PXDC1: variants seen among roughly 807,000 people sequenced by gnomAD.
PXDC1 encodes PX domain containing 1.
A neutral mutation model predicts 24.4 loss-of-function variants in PXDC1; 13 were observed. That is an observed-to-expected ratio of 0.53 (90% confidence interval 0.35 to 0.85). The LOEUF is 0.85. Ranked by LOEUF, PXDC1 falls within the 40% of genes least tolerant of loss-of-function variation. The pLI, the probability that PXDC1 is intolerant of heterozygous loss-of-function variation, is 0.01. For synonymous variants in PXDC1, 162 were observed against 124.9 expected, an observed-to-expected ratio of 1.30 and a Z score of -1.98; for missense variants, 344 against 309.3, an observed-to-expected ratio of 1.11 and a Z score of -0.84.
Position 3,723,398 on chromosome 6 carries a change from G to A in PXDC1, c.*221C>T. ...CAGAACACAGGCCCTGTGGCCTCCG[G>A]CTGTGACCTCAGCTTGCTGGAGACT... On this transcript the variant is annotated 3_prime_UTR_variant, in exon 5 of 5. Transcript: ENST00000380283. The A allele has an allele frequency of 1.7e-6, 1 of 582,478 alleles. No individual in the cohort carries two copies. Among genetic ancestry groups the A allele is most frequent in the Non-Finnish European group, 3.1e-6 (1 of 326,094 alleles). The allele number at this position is 582,478 out of a possible 1,614,324, so 36.1% of individuals were successfully genotyped here.
intron 3 of PXDC1, among the ~76,000 whole-genome samples, chr6:3,732,286 C>A (rs1298718642): frequency 6.6e-6 from 1 of 152,228 alleles, no homozygotes; most frequent in African/African-American, 2.4e-5. Context: ...TTCACCTCCT[C>A]TCTCCCACTG....
chr6:3,750,989 C>T (rs1372487373), intron 1 of PXDC1: 3 of 394,456 alleles, frequency 7.6e-6, no homozygotes, highest in Non-Finnish European at 1.4e-5. Flanking sequence ...TCGGAAGTGA[C>T]TCGTCCTCAG....
chr6:3,751,221 G>C (rs1021907264), intron 1 of PXDC1, 55 bp downstream of exon 1: 4 of 1,294,832 alleles, frequency 3.1e-6, no homozygotes, highest in Non-Finnish European at 2.0e-6. Flanking sequence ...CGCCTCCTTC[G>C]TGCACTTCAA....
chr6:3,751,126 C>G, intron 1 of PXDC1, 150 bp downstream of exon 1: 1 of 607,488 alleles, frequency 1.6e-6, no homozygotes. Context: ...CCGGGCACCC[C>G]TCGTCTGCGG....
Position 3,746,569 on chromosome 6 carries a change from C to G in PXDC1, c.256+4707G>C, listed in dbSNP as rs191303359. On this transcript the variant is annotated intron_variant, in intron 1 of 4. Transcript: ENST00000380283. Reference sequence around the variant, plus strand: ...CAGAATGACGCAGGTGAATTCTGCACGGGGGTGGAGCTATGGTTGAAGGCA... The same window carrying G: ...CAGAATGACGCAGGTGAATTCTGCAGGGGGGTGGAGCTATGGTTGAAGGCA... 2.7e-3 allele frequency among the ~76,000 whole-genome samples: 405 copies of G among 152,174 alleles called. 2 individuals are homozygous for G. Among genetic ancestry groups the G allele is most frequent in the Middle Eastern group, 6.8e-3 (2 of 294 alleles).
chr6:3,740,144 C>T (rs1299642191), intron 1 of PXDC1, among the ~76,000 whole-genome samples: 1 of 152,238 alleles, frequency 6.6e-6, no homozygotes, highest in African/African-American at 2.4e-5. Context: ...ATACCCATTT[C>T]ATAGGACAGA....
In PXDC1 at chr6:3,751,294, G is replaced by T. The variant is rs1420553277; in HGVS notation, c.238C>A (p.Gln80Lys). The stretch of plus-strand genomic sequence containing the variant: ...CCCGCACCTTGCCGCAGCGGCCCCT[G>T]CGCCAGTTCGGACCGGTCCTCGGGA... ...AFPEDRSELAQGPLRQGLVAI... is the reference protein window; with the variant it reads ...AFPEDRSELAKGPLRQGLVAI... The change falls in exon 1 of 5, where the codon CAG (glutamine) becomes AAG (lysine). Residue 80 changes from glutamine (Q) to lysine (K), a missense_variant. By Grantham distance (53) the Gln-to-Lys change is moderately conservative. Coordinates refer to ENST00000380283, the MANE Select transcript of PXDC1 (RefSeq NM_183373.4). 6.5e-7 allele frequency: 1 copy of T among 1,530,142 alleles called. No homozygotes were observed. The highest frequency in any genetic ancestry group is 8.7e-7 in the Non-Finnish European group (1 of 1,143,016). 94.8% of individuals were successfully genotyped at this position (1,530,142 alleles called of 1,614,324 possible).
intron 1 of PXDC1, among the ~76,000 whole-genome samples, chr6:3,744,030 G>A (rs1280712246): frequency 6.6e-6 from 1 of 152,200 alleles, no homozygotes; most frequent in Non-Finnish European, 1.5e-5. Context: ...CTGGGAGGTG[G>A]CTCCTAGAGC....
At chr6:3,733,265 CG>C (rs1303436851) in intron 3 of PXDC1, among the ~76,000 whole-genome samples, 2 of 152,132 alleles carry the variant, frequency 1.3e-5, no homozygotes, top group Non-Finnish European at 2.9e-5. Flanking sequence ...CTGGACCCCG[CG>C]CCTCAGCCTG....
chr6:3,751,201 G>C, intron 1 of PXDC1, 75 bp downstream of exon 1: 2 of 1,169,088 alleles, frequency 1.7e-6, no homozygotes, highest in Non-Finnish European at 2.3e-6. Context: ...CTCGGTTGAA[G>C]TCTCTTCCCC....
chr6:3,727,716 T>C, intron 3 of PXDC1, 54 bp from the exon 4 acceptor site: 1 of 1,217,932 alleles, frequency 8.2e-7, no homozygotes. Context: ...GCTTGAGGTT[T>C]TGGAGTTTGG....
chr6:3,736,427 G>T (rs1293230089), intron 3 of PXDC1, among the ~76,000 whole-genome samples: 1 of 152,140 alleles, frequency 6.6e-6, no homozygotes, highest in African/African-American at 2.4e-5. Context: ...TATGTCACAA[G>T]GTGATTGCCA....
At position 3,751,402 on chromosome 6, in the gene PXDC1, C is replaced by G; in HGVS notation, c.130G>C (p.Glu44Gln). ...DEEEFFEIRTEWSDRSVLYLH... is the reference protein window; with the variant it reads ...DEEEFFEIRTQWSDRSVLYLH... ...TAGAGCACGCTGCGGTCCGACCACT[C>G]CGTGCGGATCTCGAAGAACTCCTCT... The change falls in exon 1 of 5, where the codon GAG becomes CAG. Residue 44 changes from glutamate to glutamine, a missense_variant. Transcript: ENST00000380283. 2 of 1,575,780 alleles carry G rather than the reference C, an allele frequency of 1.3e-6. No homozygotes were observed. The highest frequency in any genetic ancestry group is 1.4e-5 in the African/African-American group (1 of 74,070).
At position 3,751,307 on chromosome 6, in the gene PXDC1, C is replaced by T. The variant is rs754095176; in HGVS notation, c.225G>A (p.Arg75=). ...QRLRDAFPED[R]SELAQGPLRQ... ...GCAGCGGCCCCTGCGCCAGTTCGGA[C>T]CGGTCCTCGGGAAAGGCGTCGCGCA... Residue 75 remains arginine, a synonymous_variant, in exon 1 of 5, where the codon CGG becomes CGA. Transcript: ENST00000380283. The T allele has an allele frequency of 3.2e-6, 5 of 1,542,104 alleles. No homozygotes were observed. Among genetic ancestry groups the T allele is most frequent in the Middle Eastern group, 1.7e-4 (1 of 5,910 alleles).
At chr6:3,734,994 A>G (rs1017354160) in intron 3 of PXDC1, among the ~76,000 whole-genome samples, 1 of 152,146 alleles carries the variant, frequency 6.6e-6, no homozygotes, top group African/African-American at 2.4e-5. Flanking sequence ...CTGAGGCAGG[A>G]GGATCACTTG....
At position 3,723,408 on chromosome 6, in the gene PXDC1, C is replaced by T. The variant is rs553560402; in HGVS notation, c.*211G>A. ...GCCCTGTGGCCTCCGGCTGTGACCT[C>T]AGCTTGCTGGAGACTCTGCGGTCAG... On this transcript the variant is annotated 3_prime_UTR_variant, in exon 5 of 5. Coordinates refer to ENST00000380283, the MANE Select transcript of PXDC1 (RefSeq NM_183373.4). The T allele has an allele frequency of 2.0e-5, 12 of 591,552 alleles. No individual in the cohort carries two copies. The African/African-American group carries it at 2.2e-4, about 11-fold the overall frequency. The allele number at this position is 591,552 out of a possible 1,614,324, so 36.6% of individuals were successfully genotyped here.
In PXDC1 at chr6:3,742,147, A is replaced by C. The variant is rs1301364249; in HGVS notation, c.257-3999T>G. Among the ~76,000 whole-genome samples, 5 of 152,334 alleles carry C rather than the reference A, an allele frequency of 3.3e-5. No individual in the cohort carries two copies. In the South Asian group the frequency reaches 1.0e-3, roughly 32 times the overall value. ...ACTGCTTTATTTTCCAGGAACAGAC[A>C]AGAACTATGAGTTTAAGAAATACTG... On this transcript the variant is annotated intron_variant, in intron 1 of 4. Coordinates refer to ENST00000380283, the MANE Select transcript of PXDC1 (RefSeq NM_183373.4).
chr6:3,750,982 G>A (rs1760699312), intron 1 of PXDC1: 1 of 380,256 alleles, frequency 2.6e-6, no homozygotes, highest in East Asian at 4.8e-5. Context: ...GCCCTCCTCG[G>A]AAGTGACTCG....
intron 3 of PXDC1, among the ~76,000 whole-genome samples, chr6:3,733,466 C>T (rs895777379): frequency 2.6e-5 from 4 of 152,182 alleles, no homozygotes; most frequent in Non-Finnish European, 4.4e-5. Flanking sequence ...CACCGGCAGG[C>T]ACAACTGCTC....
Sources: allele counts gnomAD v4.1 joint callset (sites outside exome capture counted in the v4.1 genomes callset), GRCh38; gene constraint gnomAD v4.1.1; transcripts MANE v1.5; gene names NCBI Gene and HGNC (gene_info 2026-07-23, HGNC 2026-07-21).